The following ANKS1B variants were observed in gnomAD, a reference collection of about 807,000 sequenced individuals.
The protein encoded by ANKS1B is ankyrin repeat and sterile alpha motif domain-containing protein 1B.
A neutral mutation model predicts 148.3 loss-of-function variants in ANKS1B; 36 were observed. The ratio of observed to expected loss-of-function variants is 0.24; its 90% CI spans 0.19 to 0.32. The LOEUF is 0.32. Ranked by LOEUF, ANKS1B falls within the 10% of genes least tolerant of loss-of-function variation. ANKS1B has a pLI of 1.00. For missense variants in ANKS1B, 1,157 were observed against 1,542.6 expected, an observed-to-expected ratio of 0.75 and a Z score of 4.19; for synonymous variants, 542 against 560.8, an observed-to-expected ratio of 0.97 and a Z score of 0.47.
At chr12:99,422,791 C>G (rs1240775012) in intron 11 of ANKS1B, among the ~76,000 whole-genome samples, 1 of 151,948 alleles carries the variant, frequency 6.6e-6, no homozygotes, top group East Asian at 1.9e-4. Flanking sequence ...CATTAAAATG[C>G]TGATGGAAAT....
chr12:99,356,166 A>T (rs1481355053), intron 12 of ANKS1B, among the ~76,000 whole-genome samples: 1 of 152,104 alleles, frequency 6.6e-6, no homozygotes, highest in Non-Finnish European at 1.5e-5. Context: ...CCCAACGAAG[A>T]CGCTTGCCTA....
intron 11 of ANKS1B, among the ~76,000 whole-genome samples, chr12:99,424,565 A>C (rs1230292068): frequency 6.6e-6 from 1 of 151,764 alleles, no homozygotes; most frequent in Admixed American, 6.6e-5. Flanking sequence ...TTGAGAAACA[A>C]TCTGGATTTT....
chr12:99,626,615 T>C (rs1456824431), intron 9 of ANKS1B, among the ~76,000 whole-genome samples: 1 of 152,122 alleles, frequency 6.6e-6, no homozygotes, highest in Non-Finnish European at 1.5e-5. Flanking sequence ...CCCCAATCTT[T>C]TACCTCACAC....
At chr12:99,749,911 T>C (rs2060944883) in intron 8 of ANKS1B, among the ~76,000 whole-genome samples, 1 of 151,978 alleles carries the variant, frequency 6.6e-6, no homozygotes, top group Admixed American at 6.6e-5. Context: ...GCAAATATAG[T>C]TCACTGTCAG....
intron 17 of ANKS1B, chr12:98,976,667 A>G (rs1489491591): frequency 6.6e-6 from 1 of 152,238 alleles, no homozygotes; most frequent in African/African-American, 2.4e-5. Flanking sequence ...CCAGATAAAC[A>G]ATGTAAAACA....
intron 9 of ANKS1B, among the ~76,000 whole-genome samples, chr12:99,593,947 A>G (rs778130718): frequency 6.6e-6 from 1 of 151,974 alleles, no homozygotes; most frequent in Non-Finnish European, 1.5e-5. Context: ...CAGCTGGTGC[A>G]GTGGGTGTTT....
At chr12:99,633,411 G>T (rs1039263047) in intron 9 of ANKS1B, among the ~76,000 whole-genome samples, 2 of 152,114 alleles carry the variant, frequency 1.3e-5, no homozygotes, top group African/African-American at 4.8e-5. Flanking sequence ...AATAAATGGT[G>T]CTGGGAAAAC....
At chr12:99,584,289 G>A (rs2097601509) in intron 9 of ANKS1B, among the ~76,000 whole-genome samples, 1 of 152,118 alleles carries the variant, frequency 6.6e-6, no homozygotes. Flanking sequence ...GCTTTTATGT[G>A]AAATTCTTCT....
At chr12:99,035,626 A>G (rs999644795) in intron 17 of ANKS1B, among the ~76,000 whole-genome samples, 1 of 151,916 alleles carries the variant, frequency 6.6e-6, no homozygotes, top group African/African-American at 2.4e-5. Context: ...ATGTGAATTG[A>G]TTTTTCAGCA....
chr12:99,096,525 G>A lies in ANKS1B; in HGVS notation c.2527-11502C>T, dbSNP rs190664119. On this transcript the variant is annotated intron_variant, in intron 15 of 26. Transcript: ENST00000683438. ...CAGGCAGGAGGCTAACCCCACGAAGGGCTAAACTAAAAGCTGAGTAAGAGC... is the reference window on the plus strand; with the variant it reads ...CAGGCAGGAGGCTAACCCCACGAAGAGCTAAACTAAAAGCTGAGTAAGAGC... 3.7e-3 allele frequency among the ~76,000 whole-genome samples: 569 copies of A among 152,228 alleles called. 1 individual carries two copies. The highest frequency in any genetic ancestry group is 0.01 in the Admixed American group (157 of 15,284).
At chr12:99,333,373 TGCACAATTATAA>T (rs1376438439) in intron 12 of ANKS1B, among the ~76,000 whole-genome samples, 1 of 152,094 alleles carries the variant, frequency 6.6e-6, no homozygotes, top group Non-Finnish European at 1.5e-5. Context: ...AAGAAGCAGG[TGCACAATTATAA>T]GCACAGTTTC....
At chr12:98,922,072 G>T (rs11109672) in intron 17 of ANKS1B, among the ~76,000 whole-genome samples, 1 of 152,132 alleles carries the variant, frequency 6.6e-6, no homozygotes, top group African/African-American at 2.4e-5. Flanking sequence ...CACATTCAGA[G>T]TTACTCTGCA....
chr12:99,117,100 G>A (rs2061598194), intron 15 of ANKS1B, among the ~76,000 whole-genome samples: 1 of 152,158 alleles, frequency 6.6e-6, no homozygotes, highest in Non-Finnish European at 1.5e-5. Flanking sequence ...GAGATTTTGG[G>A]CTGAGATGAT....
intron 14 of ANKS1B, among the ~76,000 whole-genome samples, chr12:99,175,938 T>C (rs117747326): frequency 0.016 from 2,404 of 152,260 alleles, 27 homozygotes; most frequent in South Asian, 0.058. Context: ...CTTCTGCCTC[T>C]GGGGTTCAAG....
At chr12:99,302,606 T>G (rs963374864) in intron 12 of ANKS1B, among the ~76,000 whole-genome samples, 1 of 152,156 alleles carries the variant, frequency 6.6e-6, no homozygotes, top group African/African-American at 2.4e-5. Context: ...ACATGAATTA[T>G]TATAGTGGCT....
chr12:99,226,680 C>G (rs185742895), intron 14 of ANKS1B, among the ~76,000 whole-genome samples: 1 of 152,244 alleles, frequency 6.6e-6, no homozygotes, highest in Admixed American at 6.5e-5. Flanking sequence ...TGGAAATGTC[C>G]TTTGTGGTAT....
chr12:98,943,416 A>G (rs2099840165), intron 17 of ANKS1B, among the ~76,000 whole-genome samples: 1 of 152,230 alleles, frequency 6.6e-6, no homozygotes, highest in African/African-American at 2.4e-5. Context: ...ATTATCTTAT[A>G]GTTCTATTTA....
At position 99,004,669 on chromosome 12, in the gene ANKS1B, G is replaced by A. The variant is rs869031; in HGVS notation, c.2778+48488C>T. 4.0e-5 allele frequency among the ~76,000 whole-genome samples: 6 copies of A among 151,772 alleles called. No homozygotes were observed. In the South Asian group the frequency reaches 1.2e-3, roughly 32 times the overall value. On this transcript the variant is annotated intron_variant, in intron 17 of 26. Transcript: ENST00000683438. ...AAGTGGAGCCAGGTGGGTGCTGGGT[G>A]GGGGGGAAAATGCCCTATGAAAATC...
chr12:99,155,174 A>G, intron 14 of ANKS1B: 1 of 1,386,970 alleles, frequency 7.2e-7, no homozygotes, highest in Non-Finnish European at 9.4e-7. Flanking sequence ...AGAGCTCACG[A>G]CAGGTTCCCT....
Sources: gnomAD v4.1 joint callset for allele counts (sites outside exome capture counted in the v4.1 genomes callset) on GRCh38, gnomAD v4.1.1 for gene constraint, MANE v1.5 for transcripts, NCBI Gene and HGNC (gene_info 2026-07-23, HGNC 2026-07-21) for gene names.